ARHGAP23: variants seen among roughly 807,000 people sequenced by gnomAD.
ARHGAP23 encodes rho GTPase-activating protein 23.
In ARHGAP23, 34 loss-of-function variants were observed where a neutral mutation model predicts 136.3. That is an observed-to-expected ratio of 0.25 (90% CI 0.19 to 0.33). ARHGAP23 has a LOEUF of 0.33. ARHGAP23 is among the 10% of genes least tolerant of loss of function. The pLI is 1.00. For synonymous variants in ARHGAP23, 832 were observed against 920.5 expected, an observed-to-expected ratio of 0.90 and a Z score of 1.74; for missense variants, 1,808 against 2,139.0, an observed-to-expected ratio of 0.85 and a Z score of 3.05.
At chr17:38,500,957 T>C (rs1029076128) in intron 23 of ARHGAP23, 27 of 331,186 alleles carry the variant, frequency 8.2e-5, no homozygotes, top group African/African-American at 3.0e-4. Flanking sequence ...GTTTGGGACA[T>C]TGGGCAAGTT....
chr17:38,442,240 T>C (rs1273058902), intron 1 of ARHGAP23, among the ~76,000 whole-genome samples: 1 of 152,214 alleles, frequency 6.6e-6, no homozygotes, highest in Non-Finnish European at 1.5e-5. Flanking sequence ...ATTACAGGCA[T>C]GAGCCACCAT....
rs1262959580 is a variant in ARHGAP23, at chr17:38,466,561, C to T, written c.878C>T (p.Ser293Leu). Residue 293 changes from serine (S) to leucine (L), a missense_variant, in exon 7 of 24, where the codon TCA becomes TTA. By Grantham distance (145) the Ser-to-Leu change is moderately radical (BLOSUM62 -2). Around this residue, in one of 7 missense-constraint regions of ARHGAP23, gnomAD observed 859 missense variants for 936.4 expected, o/e 0.92. Coordinates refer to ENST00000622683, the MANE Select transcript of ARHGAP23 (RefSeq NM_001199417.2). ...ECQQALSHWL[S>L]NQVPRRAGER... is the part of the protein sequence containing the mutation. ...CAGCAGGCCTTGTCACACTGGCTGT[C>T]AAACCAGGTACCCCGCCGGGCGGGG... is the stretch of plus-strand genomic sequence containing the variant. The T allele has an allele frequency of 2.7e-6, 4 of 1,479,958 alleles. No individual in the cohort carries two copies. Among genetic ancestry groups the T allele is most frequent in the Non-Finnish European group, 3.6e-6 (4 of 1,122,288 alleles). The allele number at this position is 1,479,958 out of a possible 1,614,324, so 91.7% of individuals were successfully genotyped here. A position where few individuals can be genotyped will look rare whatever the true frequency, so the allele number is the denominator to read the frequency against.
Position 38,466,838 on chromosome 17 carries a change from G to C in ARHGAP23, c.1155G>C (p.Ser385=). The C allele has an allele frequency of 6.5e-7, 1 of 1,548,578 alleles. No homozygotes were observed. The highest frequency in any genetic ancestry group is 8.7e-7 in the Non-Finnish European group (1 of 1,146,524). ...GGTGTGGCTGGGCTTCCCAGCGTTC[G>C]TCTGCCCGCACCCCCGCCTGCCCAA... ...FERCGWASQR[S]SARTPACPTR... Residue 385 remains serine, a synonymous_variant, in exon 7 of 24, where the codon TCG becomes TCC. Coordinates refer to ENST00000622683, the MANE Select transcript of ARHGAP23 (RefSeq NM_001199417.2).
chr17:38,498,917 C>T, intron 22 of ARHGAP23: 2 of 698,752 alleles, frequency 2.9e-6, no homozygotes, highest in South Asian at 3.0e-5. Flanking sequence ...TTCTCCTCCC[C>T]CTCCCCTCCT....
intron 20 of ARHGAP23, among the ~76,000 whole-genome samples, chr17:38,493,079 C>G (rs964426631): frequency 3.3e-4 from 51 of 152,348 alleles, no homozygotes; most frequent in African/African-American, 1.2e-3. Flanking sequence ...TTAGCACTGA[C>G]ACTACTGGCA....
At chr17:38,444,094 A>G (rs916980079) in intron 1 of ARHGAP23, among the ~76,000 whole-genome samples, 1 of 152,034 alleles carries the variant, frequency 6.6e-6, no homozygotes, top group Non-Finnish European at 1.5e-5. Context: ...GACCAAAGGG[A>G]GACCCCGAGA....
chr17:38,453,800 G>C (rs2039251919), intron 1 of ARHGAP23: 1 of 144,574 alleles, frequency 6.9e-6, no homozygotes, highest in Non-Finnish European at 1.5e-5. Context: ...CGCGGCTCCG[G>C]GGGGCGGGCG....
rs189871353 is a variant in ARHGAP23, at chr17:38,480,285, T to C, written c.2629+402T>C. On this transcript the variant is annotated intron_variant, in intron 14 of 23. Coordinates refer to ENST00000622683, the MANE Select transcript of ARHGAP23 (RefSeq NM_001199417.2). ...GGAGGCCAAGGCAGGGCAGATCACC[T>C]GAGGTCAGGAGTTCAAGACCAGCCT... Among the ~76,000 whole-genome samples, 538 of 152,246 alleles carry C rather than the reference T, an allele frequency of 3.5e-3. 3 individuals carry two copies. Among genetic ancestry groups the C allele is most frequent in the Non-Finnish European group, 6.6e-3 (451 of 68,012 alleles).
intron 1 of ARHGAP23, among the ~76,000 whole-genome samples, chr17:38,420,462 G>T (rs1225472007): frequency 6.6e-6 from 1 of 152,234 alleles, no homozygotes; most frequent in Admixed American, 6.5e-5. Context: ...CAGTGGCTGG[G>T]GGCCCTGGCT....
At chr17:38,419,718 C>T (rs2038500476) in intron 1 of ARHGAP23, among the ~76,000 whole-genome samples, 1 of 152,184 alleles carries the variant, frequency 6.6e-6, no homozygotes, top group Admixed American at 6.5e-5. Flanking sequence ...ACCCCCATCC[C>T]CACTTGGTAA....
chr17:38,483,252 C>G (rs186615778), intron 16 of ARHGAP23, among the ~76,000 whole-genome samples: 1 of 152,146 alleles, frequency 6.6e-6, no homozygotes, highest in African/African-American at 2.4e-5. Flanking sequence ...TACAAACCGC[C>G]GGCTTAGAAA....
intron 10 of ARHGAP23, among the ~76,000 whole-genome samples, chr17:38,470,569 C>T (rs903989827): frequency 6.6e-6 from 1 of 152,224 alleles, no homozygotes; most frequent in Non-Finnish European, 1.5e-5. Flanking sequence ...CAGAGTCTCA[C>T]TCCATTGCCC....
intron 7 of ARHGAP23, among the ~76,000 whole-genome samples, chr17:38,468,538 G>T (rs909564668): frequency 5.9e-5 from 9 of 152,196 alleles, no homozygotes; most frequent in African/African-American, 2.2e-4. Flanking sequence ...AGAGGGAGGA[G>T]GCCTGGGGCA....
At chr17:38,494,577 CAA>C (rs370944981) in intron 20 of ARHGAP23, among the ~76,000 whole-genome samples, 4 of 151,254 alleles carry the variant, frequency 2.6e-5, no homozygotes, top group African/African-American at 9.7e-5. Flanking sequence ...CACACACACA[CAA>C]AAATCCATTA....
In ARHGAP23 at chr17:38,490,543, A is replaced by G. The variant is rs1416443576; in HGVS notation, c.3142A>G (p.Lys1048Glu). ...HLKTIADHSE[K>E]NKMEPRNLAL... ...CAAGACCATCGCTGACCACTCTGAG[A>G]AAAACAAGGTGGGTAGGAGTCCCGC... Residue 1048 changes from lysine to glutamate, a missense_variant, in exon 19 of 24, where the codon AAA becomes GAA. By Grantham distance (56) the Lys-to-Glu change is moderately conservative. Transcript: ENST00000622683. 29 of 1,544,496 alleles carry G rather than the reference A, an allele frequency of 1.9e-5. No homozygotes were observed. The Admixed American group carries it at 5.7e-4, about 30-fold the overall frequency.
chr17:38,512,222 AAGTGTTGTAAC>A lies in ARHGAP23; in HGVS notation c.*1258_*1268del, dbSNP rs1315318284. ...TTAAAGATGTTTTGCTCATTTACAA[AAGTGTTGTAAC>A]AGTGTTGGACAAAGCCTTCCACCCC... On this transcript the variant is annotated 3_prime_UTR_variant, in exon 24 of 24. Coordinates refer to ENST00000622683, the MANE Select transcript of ARHGAP23 (RefSeq NM_001199417.2). The A allele has an allele frequency of 1.3e-5, 2 of 152,216 alleles. No homozygotes were observed. The highest frequency in any genetic ancestry group is 6.5e-5 in the Admixed American group (1 of 15,274). 9.4% of individuals were successfully genotyped at this position (152,216 alleles called of 1,614,324 possible). A position where few individuals can be genotyped will look rare whatever the true frequency, so the allele number is the denominator to read the frequency against.
intron 22 of ARHGAP23, among the ~76,000 whole-genome samples, chr17:38,499,231 C>T (rs1414549898): frequency 5.9e-5 from 9 of 152,230 alleles, no homozygotes; most frequent in Admixed American, 5.9e-4. Context: ...GCCACAGACC[C>T]TGCGGCCTCT....
At chr17:38,507,916 CAA>C (rs1437884107) in intron 23 of ARHGAP23, among the ~76,000 whole-genome samples, 9 of 152,238 alleles carry the variant, frequency 5.9e-5, no homozygotes, top group Admixed American at 2.0e-4. Context: ...ATGGCTGAAA[CAA>C]GAGGTGGTCT....
intron 16 of ARHGAP23, among the ~76,000 whole-genome samples, chr17:38,484,290 C>G (rs1036774223): frequency 6.6e-6 from 1 of 151,932 alleles, no homozygotes; most frequent in Non-Finnish European, 1.5e-5. Context: ...CTGGTGGTAT[C>G]TTCCCTTGGC....
Sources: allele counts gnomAD v4.1 joint callset (sites outside exome capture counted in the v4.1 genomes callset), GRCh38; gene constraint gnomAD v4.1.1; regional missense constraint gnomAD v4.1.1; transcripts MANE v1.5; gene names NCBI Gene and HGNC (gene_info 2026-07-23, HGNC 2026-07-21).